The following ZNF862 variants were observed in gnomAD, a reference collection of about 807,000 sequenced individuals.
ZNF862 encodes the protein zinc finger protein 862.
In ZNF862, 64 loss-of-function variants were observed where a neutral mutation model predicts 91.1. That is an observed-to-expected ratio of 0.70 (90% confidence interval 0.57 to 0.87). The LOEUF (loss-of-function observed/expected upper bound fraction) is 0.87, where lower values mean the gene tolerates loss of function less well. Ranked by LOEUF, ZNF862 falls within the 40% of genes least tolerant of loss-of-function variation. ZNF862 has a pLI of 0.00. For missense variants in ZNF862, 1,459 were observed against 1,528.0 expected (o/e 0.95, Z 0.75); for synonymous variants, 631 against 618.1 (o/e 1.02, Z -0.31).
In ZNF862 at chr7:149,848,279, A is replaced by T; in HGVS notation, c.786A>T (p.Arg262Ser). 1 of 1,611,500 alleles carries T rather than the reference A, an allele frequency of 6.2e-7. No individual in the cohort carries two copies. Among genetic ancestry groups the T allele is most frequent in the Non-Finnish European group, 8.5e-7 (1 of 1,178,702 alleles). Residue 262 changes from arginine to serine, a missense_variant, in exon 4 of 8, where the codon AGA (arginine) becomes AGT (serine). Arg to Ser is a moderately radical substitution (Grantham distance 110). Coordinates refer to ENST00000223210, the MANE Select transcript of ZNF862 (RefSeq NM_001099220.3). ...TGGCTGAGCTCCTGCCAAGTTCAAG[A>T]GCTGAACTAGAGGACCCTGGGGGGG... ...DSMAELLPSS[R>S]AELEDPGGDG...
In ZNF862 at chr7:149,850,482, A is replaced by T; in HGVS notation, c.1117+144A>T. 2 of 784,964 alleles carry T rather than the reference A, an allele frequency of 2.5e-6. No individual in the cohort carries two copies. The highest frequency in any genetic ancestry group is 3.9e-6 in the Non-Finnish European group (2 of 510,950). 48.6% of individuals were successfully genotyped at this position (784,964 alleles called of 1,614,324 possible). A position where few individuals can be genotyped will look rare whatever the true frequency, so the allele number is the denominator to read the frequency against. Reference sequence around the variant, plus strand: ...CCGATCCTGTCTTTTGCACCTCATAACTCCCCTGCTTGGGGTAACTGTGCT... The same window carrying T: ...CCGATCCTGTCTTTTGCACCTCATATCTCCCCTGCTTGGGGTAACTGTGCT... On this transcript the variant is annotated intron_variant, in intron 5 of 7. Coordinates refer to ENST00000223210, the MANE Select transcript of ZNF862 (RefSeq NM_001099220.3). This position sits in a 1 kb window ranked among gnomAD's most constrained non-coding sequence, Gnocchi z 4.2.
intron 4 of ZNF862, among the ~76,000 whole-genome samples, chr7:149,849,508 C>T (rs892703195): frequency 2.0e-5 from 3 of 152,254 alleles, no homozygotes; most frequent in South Asian, 4.1e-4. Flanking sequence ...TACAACAAAT[C>T]ATTTTTAACT....
At chr7:149,839,688 G>A (rs956449228) in intron 1 of ZNF862, among the ~76,000 whole-genome samples, 9 of 152,102 alleles carry the variant, frequency 5.9e-5, no homozygotes, top group African/African-American at 1.9e-4. Flanking sequence ...GTGATTTCTC[G>A]CATGAGCATC....
Position 149,866,143 on chromosome 7 carries a change from A to G in ZNF862, c.*1859A>G, listed in dbSNP as rs1432798906. ...TTTCGTGTCATTTTCAGTTCTAGTC[A>G]GGAATTCCTTTCTTGCTTTCTGCCT... On this transcript the variant is annotated 3_prime_UTR_variant, in exon 8 of 8. Coordinates refer to ENST00000223210, the MANE Select transcript of ZNF862 (RefSeq NM_001099220.3). The G allele has an allele frequency of 6.6e-6, 1 of 152,134 alleles. No homozygotes were observed. Among genetic ancestry groups the G allele is most frequent in the African/African-American group, 2.4e-5 (1 of 41,436 alleles). 9.4% of individuals were successfully genotyped at this position (152,134 alleles called of 1,614,324 possible). A position where few individuals can be genotyped will look rare whatever the true frequency, so the allele number is the denominator to read the frequency against.
chr7:149,861,762 G>C lies in ZNF862; in HGVS notation c.2602G>C (p.Val868Leu). The part of the protein sequence containing the change: ...CQKEIVLITE[V>L]NATLGRAYVA... ...GAAGGAGATCGTGCTGATTACAGAG[G>C]TGAACGCCACGCTGGGCCGCGCCTA... Residue 868 changes from valine (V) to leucine (L), a missense_variant, in exon 7 of 8, where the codon GTG becomes CTG. Val to Leu is a conservative substitution (Grantham distance 32). Coordinates refer to ENST00000223210, the MANE Select transcript of ZNF862 (RefSeq NM_001099220.3). The surrounding 1 kb of genome is among the most constrained non-coding windows in gnomAD (Gnocchi z 6.7). 1 of 1,613,672 alleles carries C rather than the reference G, an allele frequency of 6.2e-7. No homozygotes were observed.
In ZNF862 at chr7:149,846,193, G is replaced by T; in HGVS notation, c.179G>T (p.Arg60Leu). ...ANPELFRKFG[R>L]GPEPWLGSVQ... is the part of the protein sequence containing the mutation. ...CCTGAGCTGTTCCGCAAGTTCGGAC[G>T]AGGGCCAGAGCCATGGCTTGGCAGC... Residue 60 changes from arginine to leucine, a missense_variant, in exon 3 of 8, where the codon CGA becomes CTA. Coordinates refer to ENST00000223210, the MANE Select transcript of ZNF862 (RefSeq NM_001099220.3). 1.2e-6 allele frequency: 2 copies of T among 1,613,516 alleles called. No homozygotes were observed. Among genetic ancestry groups the T allele is most frequent in the Non-Finnish European group, 1.7e-6 (2 of 1,179,806 alleles).
rs944126480 is a variant in ZNF862, at chr7:149,848,388, G to A, written c.895G>A (p.Asp299Asn). 2.5e-6 allele frequency: 4 copies of A among 1,590,848 alleles called. No homozygotes were observed. The highest frequency in any genetic ancestry group is 3.4e-6 in the Non-Finnish European group (4 of 1,168,294). The change falls in exon 4 of 8, where the codon GAC (aspartate) becomes AAC (asparagine). Residue 299 changes from aspartate to asparagine, a missense_variant. Transcript: ENST00000223210. The stretch of plus-strand genomic sequence containing the variant: ...CACTGATGGCATCCACAGCTCCTCA[G>A]ACATTAATATTTTATATAATGATGC... ...EITDGIHSSSDINILYNDAVE... is the reference protein window; with the variant it reads ...EITDGIHSSSNINILYNDAVE...
chr7:149,838,677 G>T (rs554227703), intron 1 of ZNF862, 42 bp downstream of exon 1: 105 of 1,196,652 alleles, frequency 8.8e-5, no homozygotes, highest in Middle Eastern at 6.4e-4. Context: ...CCCTCCCGAG[G>T]ATCCCCGAGC....
chr7:149,848,211 C>T lies in ZNF862; in HGVS notation c.718C>T (p.Pro240Ser). Residue 240 changes from proline (P) to serine (S), a missense_variant, in exon 4 of 8, where the codon CCC becomes TCC. By Grantham distance (74) the Pro-to-Ser change is moderately conservative. Transcript: ENST00000223210. Reference protein sequence around the residue: ...SPEPLFTADCPIFYPPGPLGG... With the variant: ...SPEPLFTADCSIFYPPGPLGG... ...GGAGCCGCTCTTCACTGCAGATTGC[C>T]CCATATTCTACCCCCCAGGGCCTCT... The T allele has an allele frequency of 6.2e-7, 1 of 1,613,972 alleles. No individual in the cohort carries two copies. The highest frequency in any genetic ancestry group is 8.5e-7 in the Non-Finnish European group (1 of 1,179,888).
chr7:149,844,907 C>T, intron 2 of ZNF862, 171 bp downstream of exon 2: 1 of 575,080 alleles, frequency 1.7e-6, no homozygotes, highest in Non-Finnish European at 3.1e-6. Flanking sequence ...TGCAAATTCA[C>T]ACATCACCCT....
chr7:149,865,177 T>C lies in ZNF862; in HGVS notation c.*893T>C, dbSNP rs888937034. ...CCCCATCTGCCCTAGGATTAGTGAA[T>C]GAGAGCCTCGAGCTCCCTCAAAGAC... On this transcript the variant is annotated 3_prime_UTR_variant, in exon 8 of 8. Transcript: ENST00000223210. 2.0e-5 allele frequency: 3 copies of C among 152,212 alleles called. No homozygotes were observed. The highest frequency in any genetic ancestry group is 2.9e-5 in the Non-Finnish European group (2 of 68,052). 9.4% of individuals were successfully genotyped at this position (152,212 alleles called of 1,614,324 possible). A position where few individuals can be genotyped will look rare whatever the true frequency, so the allele number is the denominator to read the frequency against.
intron 1 of ZNF862, chr7:149,841,290 T>G (rs911715782): frequency 1.0e-6 from 1 of 985,268 alleles, no homozygotes; most frequent in Non-Finnish European, 1.2e-6. Context: ...TGTTTTGTGG[T>G]CTTTATTAAC....
chr7:149,847,331 C>G (rs115392365), intron 3 of ZNF862, among the ~76,000 whole-genome samples: 3 of 152,108 alleles, frequency 2.0e-5, no homozygotes, highest in African/African-American at 7.2e-5. Context: ...CCTGGAGTTG[C>G]GGTGTGTGGC....
At chr7:149,848,507 T>C in intron 4 of ZNF862, 75 bp downstream of exon 4, 1 of 1,251,694 alleles carries the variant, frequency 8.0e-7, no homozygotes, top group East Asian at 2.6e-5. Context: ...TCCATGCTGA[T>C]GATGGAAAAA....
At chr7:149,843,887 G>A (rs1026248900) in intron 1 of ZNF862, among the ~76,000 whole-genome samples, 3 of 152,150 alleles carry the variant, frequency 2.0e-5, no homozygotes, top group Non-Finnish European at 2.9e-5. Flanking sequence ...CGCTTTGCCC[G>A]CTGCCGGGTG....
intron 5 of ZNF862, among the ~76,000 whole-genome samples, chr7:149,853,923 G>GTCGC (rs2128939046): frequency 7.0e-6 from 1 of 143,796 alleles, no homozygotes; most frequent in South Asian, 2.2e-4. Context: ...GGGCGACAGA[G>GTCGC]CCAGACTCCA....
chr7:149,864,740 A>C lies in ZNF862; in HGVS notation c.*456A>C, dbSNP rs1274140921. The C allele has an allele frequency of 1.9e-5, 3 of 157,936 alleles. No homozygotes were observed. Among genetic ancestry groups the C allele is most frequent in the African/African-American group, 7.2e-5 (3 of 41,528 alleles). The allele number at this position is 157,936 out of a possible 1,614,324, so 9.8% of individuals were successfully genotyped here. ...CTCTAGGGACAGCTGGCCTGGCTGC[A>C]AGAGCCCCCAGAGGCATTGTTCTGG... On this transcript the variant is annotated 3_prime_UTR_variant, in exon 8 of 8. Transcript: ENST00000223210.
Position 149,846,240 on chromosome 7 carries a change from C to T in ZNF862, c.226C>T (p.Leu76=). The T allele has an allele frequency of 1.2e-6, 2 of 1,613,526 alleles. No homozygotes were observed. The highest frequency in any genetic ancestry group is 1.3e-5 in the African/African-American group (1 of 75,014). Residue 76 remains leucine, a synonymous_variant, in exon 3 of 8, where the codon CTG becomes TTG. Coordinates refer to ENST00000223210, the MANE Select transcript of ZNF862 (RefSeq NM_001099220.3). The stretch of plus-strand genomic sequence containing the variant: ...CAGCGTCCAGGGCCAGAGGAGCCTT[C>T]TGGAGCATCACCCAGGTGAGTGTGG... The part of the protein sequence containing the change: ...LGSVQGQRSL[L]EHHPGKKQMG...
At chr7:149,860,187 G>A in intron 6 of ZNF862, 196 bp from the exon 7 acceptor site, 2 of 599,578 alleles carry the variant, frequency 3.3e-6, no homozygotes, top group Non-Finnish European at 5.8e-6. Flanking sequence ...CAACAACTCT[G>A]GGGGAGCCAG....
Sources: gnomAD v4.1 joint callset for allele counts (sites outside exome capture counted in the v4.1 genomes callset) on GRCh38, gnomAD v4.1.1 for gene constraint, Gnocchi (gnomAD v3.1) non-coding constraint, MANE v1.5 for transcripts, NCBI Gene and HGNC (gene_info 2026-07-23, HGNC 2026-07-21) for gene names.